CDH20: variants seen among roughly 807,000 people sequenced by gnomAD.
CDH20 encodes the protein cadherin-20.
A neutral mutation model predicts 74.2 loss-of-function variants in CDH20; 29 were observed. The ratio of observed to expected loss-of-function variants is 0.39; its 90% CI spans 0.29 to 0.53. The LOEUF is 0.53. Among genes scored for constraint, CDH20 ranks in the 20% least tolerant of loss-of-function variants. The probability of loss-of-function intolerance (pLI) is 0.69; values close to 1 mark genes in which losing one functional copy is unlikely to be tolerated. For missense variants in CDH20, 988 were observed against 1,048.3 expected (o/e 0.94, Z 0.79); for synonymous variants, 469 against 405.4 (o/e 1.16, Z -1.88).
chr18:61,347,319 T>TATATATATATATACAC (rs869054502), intron 1 of CDH20, among the ~76,000 whole-genome samples: 1 of 77,400 alleles, frequency 1.3e-5, no homozygotes, highest in African/African-American at 5.8e-5. Context: ...TATATATATA[T>TATATATATATATACAC]ACACACACAC....
intron 6 of CDH20, among the ~76,000 whole-genome samples, chr18:61,515,414 G>A (rs1241093233): frequency 9.9e-5 from 15 of 152,086 alleles, no homozygotes; most frequent in East Asian, 5.8e-4. Flanking sequence ...ACTCCCTAGC[G>A]AGATGAACCC....
intron 6 of CDH20, among the ~76,000 whole-genome samples, chr18:61,515,834 T>C (rs1483898589): frequency 6.7e-6 from 1 of 149,180 alleles, no homozygotes; most frequent in African/African-American, 2.5e-5. Context: ...TGCTAGATGA[T>C]GAGTTAGTGG....
intron 1 of CDH20, among the ~76,000 whole-genome samples, chr18:61,463,891 G>GA (rs1909867453): frequency 6.6e-6 from 1 of 152,060 alleles, no homozygotes; most frequent in Non-Finnish European, 1.5e-5. Flanking sequence ...AAGGAAAAGA[G>GA]AATTCTGCAT....
intron 1 of CDH20, among the ~76,000 whole-genome samples, chr18:61,477,941 C>A (rs1479995241): frequency 1.3e-5 from 2 of 152,230 alleles, no homozygotes; most frequent in South Asian, 4.1e-4. Flanking sequence ...TGGCTCACTC[C>A]TGTAATCCCA....
intron 6 of CDH20, among the ~76,000 whole-genome samples, chr18:61,517,656 G>A (rs550351330): frequency 6.6e-6 from 1 of 152,162 alleles, no homozygotes; most frequent in South Asian, 2.1e-4. Context: ...ATAAAACTGG[G>A]CAGCTGTTTG....
At chr18:61,421,603 G>A (rs958820530) in intron 1 of CDH20, among the ~76,000 whole-genome samples, 1 of 152,064 alleles carries the variant, frequency 6.6e-6, no homozygotes, top group East Asian at 1.9e-4. Flanking sequence ...TAGTTAACAC[G>A]AATCAATTAT....
At chr18:61,518,275 C>A (rs1049540094) in intron 6 of CDH20, among the ~76,000 whole-genome samples, 1 of 152,206 alleles carries the variant, frequency 6.6e-6, no homozygotes, top group Non-Finnish European at 1.5e-5. Flanking sequence ...CTCTAAGGGA[C>A]AGACTGCCTC....
At chr18:61,357,968 C>T (rs1466414637) in intron 1 of CDH20, among the ~76,000 whole-genome samples, 3 of 152,070 alleles carry the variant, frequency 2.0e-5, no homozygotes, top group East Asian at 1.9e-4. Flanking sequence ...TTCTCTTCCC[C>T]GAACTGCTGC....
rs571019559 is a variant in CDH20 at position 61,524,113 on chromosome 18, G to T, written c.1018-3854G>T. ...TAAGAGAATGAAAAGACAAATCACA[G>T]ACTAGGAGAAAATATTTGCAAATCA... On this transcript the variant is annotated intron_variant, in intron 6 of 11. Coordinates refer to ENST00000262717, the MANE Select transcript of CDH20 (RefSeq NM_031891.4). Among the ~76,000 whole-genome samples, 24 of 152,094 alleles carry T rather than the reference G, an allele frequency of 1.6e-4. No homozygotes were observed. The East Asian group carries it at 4.4e-3, about 28-fold the overall frequency.
At chr18:61,499,526 A>G in intron 3 of CDH20, 46 bp downstream of exon 3, 1 of 1,314,944 alleles carries the variant, frequency 7.6e-7, no homozygotes, top group Non-Finnish European at 1.0e-6. Context: ...CCTCCTATAT[A>G]TATACACACA....
chr18:61,437,492 G>A (rs887510985), intron 1 of CDH20, among the ~76,000 whole-genome samples: 8 of 152,230 alleles, frequency 5.3e-5, no homozygotes, highest in Non-Finnish European at 1.2e-4. Context: ...GGCTGAATAG[G>A]CACCCTAAAA....
intron 1 of CDH20, among the ~76,000 whole-genome samples, chr18:61,351,067 A>T (rs1482653037): frequency 6.6e-6 from 1 of 152,152 alleles, no homozygotes; most frequent in South Asian, 2.1e-4. Context: ...TTGTAGTTTG[A>T]TGGCACTGAT....
intron 1 of CDH20, among the ~76,000 whole-genome samples, chr18:61,456,931 T>C (rs910379225): frequency 3.3e-5 from 5 of 152,136 alleles, no homozygotes; most frequent in Admixed American, 1.3e-4. Flanking sequence ...GCCACTAATC[T>C]CATTTCTTAA....
At position 61,499,415 on chromosome 18, in the gene CDH20, A is replaced by G. The variant is rs1911282442; in HGVS notation, c.476A>G (p.Asn159Ser). The G allele has an allele frequency of 6.2e-7, 1 of 1,614,076 alleles. No homozygotes were observed. The highest frequency in any genetic ancestry group is 8.5e-7 in the Non-Finnish European group (1 of 1,179,996). Residue 159 changes from asparagine to serine, a missense_variant, in exon 3 of 12, where the codon AAT becomes AGT. Physicochemically the swap from Asn to Ser is conservative, Grantham distance 46. Coordinates refer to ENST00000262717, the MANE Select transcript of CDH20 (RefSeq NM_031891.4). ...TTCATCATCAAAATTCAAGACATCAATGACAATGAGCCCAAGTTCCTGGAC... is the reference window on the plus strand; with the variant it reads ...TTCATCATCAAAATTCAAGACATCAGTGACAATGAGCCCAAGTTCCTGGAC... ...SEFIIKIQDI[N>S]DNEPKFLDGP... is the part of the protein sequence containing the mutation.
chr18:61,533,912 C>CA (rs1391217222), intron 7 of CDH20, among the ~76,000 whole-genome samples: 2 of 152,128 alleles, frequency 1.3e-5, no homozygotes, highest in African/African-American at 2.4e-5. Flanking sequence ...GAATCTTTGT[C>CA]AAAAATCAGT....
intron 1 of CDH20, among the ~76,000 whole-genome samples, chr18:61,481,659 A>G (rs919811904): frequency 2.6e-5 from 4 of 152,162 alleles, no homozygotes; most frequent in Non-Finnish European, 1.5e-5. Context: ...CTTTACATTT[A>G]TATGGCATCA....
chr18:61,459,405 T>A (rs1302884914), intron 1 of CDH20, among the ~76,000 whole-genome samples: 1 of 152,076 alleles, frequency 6.6e-6, no homozygotes, highest in Non-Finnish European at 1.5e-5. Flanking sequence ...TGGGGAGAGA[T>A]TTGGGATGAA....
At chr18:61,409,823 C>T (rs1335531023) in intron 1 of CDH20, among the ~76,000 whole-genome samples, 1 of 152,090 alleles carries the variant, frequency 6.6e-6, no homozygotes, top group Non-Finnish European at 1.5e-5. Context: ...AGTAGCTGAG[C>T]TCCAGCCAAT....
chr18:61,517,062 AT>A (rs1912025703), intron 6 of CDH20, among the ~76,000 whole-genome samples: 1 of 152,222 alleles, frequency 6.6e-6, no homozygotes, highest in African/African-American at 2.4e-5. Flanking sequence ...TGCAAAAAAA[AT>A]AAAGAAATAA....
Sources: gnomAD v4.1 joint callset for allele counts (sites outside exome capture counted in the v4.1 genomes callset) on GRCh38, gnomAD v4.1.1 for gene constraint, MANE v1.5 for transcripts, NCBI Gene and HGNC (gene_info 2026-07-23, HGNC 2026-07-21) for gene names.